DLG1: variants seen among roughly 807,000 people sequenced by gnomAD.
DLG1 encodes the protein discs large MAGUK scaffold protein 1, also known as disks large homolog 1.
In DLG1, 42 loss-of-function variants were observed where a neutral mutation model predicts 123.4. The observed-to-expected ratio is 0.34, with a 90% CI of 0.27 to 0.44. DLG1 has a LOEUF of 0.44. Ranked by LOEUF, DLG1 falls within the 20% of genes least tolerant of loss-of-function variation. The probability of loss-of-function intolerance (pLI) is 1.00; values close to 1 mark genes in which losing one functional copy is unlikely to be tolerated. For missense variants in DLG1, 942 were observed against 1,082.6 expected (o/e 0.87, Z 1.82); for synonymous variants, 317 against 356.2 (o/e 0.89, Z 1.24).
At position 197,148,245 on chromosome 3, in the gene DLG1, CAAA is replaced by C. The variant is rs1300222676; in HGVS notation, c.537+1495_537+1497del. On this transcript the variant is annotated intron_variant, in intron 6 of 24. Transcript: ENST00000667157. ...TAAAACCCCATCTCTACCAAAAATA[CAAA>C]AAAAAAAAAAAAATAGCCAGTCATG... is the stretch of plus-strand genomic sequence containing the variant. 9.2e-5 allele frequency among the ~76,000 whole-genome samples: 4 copies of C among 43,300 alleles called. 1 individual carries two copies. Among genetic ancestry groups the C allele is most frequent in the African/African-American group, 3.6e-4 (3 of 8,408 alleles). The allele number at this position is 43,300 out of a possible 152,430, so 28.4% of individuals were successfully genotyped here.
At chr3:197,108,073 G>A (rs1485405228) in intron 13 of DLG1, among the ~76,000 whole-genome samples, 2 of 152,164 alleles carry the variant, frequency 1.3e-5, no homozygotes, top group African/African-American at 4.8e-5. Context: ...GAGATATCAT[G>A]TGCTTTATGT....
chr3:197,264,185 C>T (rs1035687444), intron 4 of DLG1, among the ~76,000 whole-genome samples: 36 of 152,282 alleles, frequency 2.4e-4, no homozygotes, highest in African/African-American at 7.7e-4. Flanking sequence ...ATCATAACCA[C>T]AACCACTTTT....
chr3:197,120,822 C>T (rs1775953089), intron 11 of DLG1, among the ~76,000 whole-genome samples: 1 of 152,096 alleles, frequency 6.6e-6, no homozygotes, highest in Non-Finnish European at 1.5e-5. Context: ...GTTTCCTATC[C>T]AGTTCATATA....
chr3:197,232,151 T>C (rs1237447644), intron 4 of DLG1, among the ~76,000 whole-genome samples: 2 of 152,082 alleles, frequency 1.3e-5, no homozygotes, highest in Non-Finnish European at 2.9e-5. Flanking sequence ...AAACAGCTAT[T>C]TGGATTGCCA....
intron 4 of DLG1, among the ~76,000 whole-genome samples, chr3:197,226,752 T>C (rs1740173892): frequency 6.6e-6 from 1 of 152,170 alleles, no homozygotes; most frequent in Non-Finnish European, 1.5e-5. Flanking sequence ...TGTATATCTA[T>C]ACCATATGGA....
chr3:197,226,740 G>C (rs1740161668), intron 4 of DLG1, among the ~76,000 whole-genome samples: 2 of 151,996 alleles, frequency 1.3e-5, no homozygotes, highest in Non-Finnish European at 2.9e-5. Context: ...AACCAATTTT[G>C]ATGTATATCT....
chr3:197,198,894 A>G (rs756975398), intron 4 of DLG1, among the ~76,000 whole-genome samples: 15 of 152,218 alleles, frequency 9.9e-5, no homozygotes, highest in Non-Finnish European at 2.1e-4. Context: ...GAAGTATCTT[A>G]AGACCCAGCA....
intron 4 of DLG1, among the ~76,000 whole-genome samples, chr3:197,259,385 C>G (rs1758331828): frequency 6.6e-6 from 1 of 152,122 alleles, no homozygotes; most frequent in Non-Finnish European, 1.5e-5. Context: ...TAATTTCCAT[C>G]AATTTTCCTG....
chr3:197,156,356 A>G (rs768585678), intron 5 of DLG1, among the ~76,000 whole-genome samples: 96 of 152,230 alleles, frequency 6.3e-4, no homozygotes, highest in Non-Finnish European at 9.3e-4. Flanking sequence ...AAAATTAATC[A>G]AAGACCAAAG....
At chr3:197,062,432 T>C (rs1736510043) in intron 22 of DLG1, among the ~76,000 whole-genome samples, 1 of 152,216 alleles carries the variant, frequency 6.6e-6, no homozygotes, top group Non-Finnish European at 1.5e-5. Context: ...CCATCTGTGT[T>C]TGTTTATATC....
At chr3:197,068,332 G>C (rs1741170066) in intron 19 of DLG1, among the ~76,000 whole-genome samples, 1 of 151,860 alleles carries the variant, frequency 6.6e-6, no homozygotes, top group South Asian at 2.1e-4. Context: ...CCTATAGTGG[G>C]TTCTGGTTAT....
chr3:197,203,449 G>T (rs1726885310), intron 4 of DLG1, among the ~76,000 whole-genome samples: 1 of 151,780 alleles, frequency 6.6e-6, no homozygotes, highest in Admixed American at 6.6e-5. Flanking sequence ...TTATCTAATA[G>T]CAAATATTGT....
intron 14 of DLG1, among the ~76,000 whole-genome samples, chr3:197,099,156 C>T (rs1762165356): frequency 6.6e-6 from 1 of 152,194 alleles, no homozygotes; most frequent in Non-Finnish European, 1.5e-5. Flanking sequence ...GCTCTGACCT[C>T]CTGGGCTCAA....
intron 5 of DLG1, among the ~76,000 whole-genome samples, chr3:197,161,298 G>A (rs1318886029): frequency 1.3e-5 from 2 of 152,112 alleles, no homozygotes; most frequent in African/African-American, 4.8e-5. Context: ...AAGATCAGGA[G>A]TACAATGATT....
chr3:197,065,277 T>C lies in DLG1; in HGVS notation c.2372A>G (p.Lys791Arg). The C allele has an allele frequency of 6.2e-7, 1 of 1,600,278 alleles. No individual in the cohort carries two copies. Among genetic ancestry groups the C allele is most frequent in the Non-Finnish European group, 8.5e-7 (1 of 1,175,332 alleles). The change falls in exon 22 of 25, where the codon AAG becomes AGG. Residue 791 changes from lysine (K) to arginine (R), a missense_variant and splice_region_variant. Coordinates refer to ENST00000667157, the MANE Select transcript of DLG1 (RefSeq NM_001366207.1). ...SVQSVREVAE[K>R]GKHCILDVSG... ...TTCTGGGATTAGTCTGATGCTTACC[T>C]TTTCTGCTACTTCTCGTACAGACTG... is the stretch of plus-strand genomic sequence containing the variant.
chr3:197,229,070 G>C (rs922128315), intron 4 of DLG1, among the ~76,000 whole-genome samples: 1 of 152,106 alleles, frequency 6.6e-6, no homozygotes, highest in African/African-American at 2.4e-5. Context: ...AAGAGTCTAC[G>C]GGCATCTAGT....
At chr3:197,116,159 T>C (rs778944805) in intron 12 of DLG1, 76 bp from the exon 13 acceptor site, 19 of 1,156,144 alleles carry the variant, frequency 1.6e-5, no homozygotes, top group African/African-American at 3.2e-5. Context: ...AACTACCTAC[T>C]GATAATTTTT....
intron 4 of DLG1, among the ~76,000 whole-genome samples, chr3:197,256,889 A>C (rs1757116330): frequency 2.0e-5 from 3 of 152,204 alleles, no homozygotes. Flanking sequence ...CATTATTAGG[A>C]AACACTTGAT....
intron 19 of DLG1, chr3:197,068,605 CTGATAT>C: frequency 9.9e-7 from 1 of 1,007,284 alleles, no homozygotes; most frequent in Non-Finnish European, 1.5e-6. Flanking sequence ...GGTGCTACAA[CTGATAT>C]TATGTACCCT....
Sources: gnomAD v4.1 joint callset for allele counts (sites outside exome capture counted in the v4.1 genomes callset) on GRCh38, gnomAD v4.1.1 for gene constraint, MANE v1.5 for transcripts, NCBI Gene and HGNC (gene_info 2026-07-23, HGNC 2026-07-21) for gene names.